DNAJC15: variants seen among roughly 807,000 people sequenced by gnomAD.
DNAJC15 encodes dnaJ homolog subfamily C member 15.
In DNAJC15, 27 loss-of-function variants were observed where a neutral mutation model predicts 22.4. The observed-to-expected ratio is 1.20, with a 90% CI of 0.89 to 1.66. The LOEUF (loss-of-function observed/expected upper bound fraction) is 1.66. DNAJC15 is among the 40% of genes most tolerant of loss of function. The pLI is 0.00. For missense variants in DNAJC15, 208 were observed against 187.1 expected (o/e 1.11, Z -0.65); for synonymous variants, 79 against 63.2 (o/e 1.25, Z -1.19).
At chr13:43,067,605 T>A (rs2040590049) in intron 2 of DNAJC15, among the ~76,000 whole-genome samples, 1 of 152,194 alleles carries the variant, frequency 6.6e-6, no homozygotes, top group African/African-American at 2.4e-5. Context: ...AAACTCGTAT[T>A]ACTGACTAGA....
chr13:43,105,131 T>G (rs569548309), intron 5 of DNAJC15, among the ~76,000 whole-genome samples: 7 of 151,286 alleles, frequency 4.6e-5, no homozygotes, highest in Non-Finnish European at 1.0e-4. Flanking sequence ...AAGGAGCAAG[T>G]TCTACACTTG....
At chr13:43,052,424 CT>C (rs1171752163) in intron 1 of DNAJC15, among the ~76,000 whole-genome samples, 2 of 147,886 alleles carry the variant, frequency 1.4e-5, no homozygotes, top group Admixed American at 6.7e-5. Flanking sequence ...TCTTAGCCCA[CT>C]TTTTTTTTTG....
At chr13:43,080,602 A>C (rs563504202) in intron 4 of DNAJC15, among the ~76,000 whole-genome samples, 3 of 152,234 alleles carry the variant, frequency 2.0e-5, no homozygotes, top group Non-Finnish European at 4.4e-5. Context: ...TCTGTCGCTT[A>C]GGCGCTGCCC....
chr13:43,063,226 T>C (rs1365930618), intron 1 of DNAJC15, among the ~76,000 whole-genome samples: 1 of 152,192 alleles, frequency 6.6e-6, no homozygotes, highest in Non-Finnish European at 1.5e-5. Context: ...GCAAGGCTGG[T>C]CTTGAAATTC....
At chr13:43,047,913 CTG>C (rs983347977) in intron 1 of DNAJC15, among the ~76,000 whole-genome samples, 9 of 152,130 alleles carry the variant, frequency 5.9e-5, no homozygotes, top group Admixed American at 3.9e-4. Flanking sequence ...GAAACCATAA[CTG>C]TGTAATGATG....
intron 1 of DNAJC15, among the ~76,000 whole-genome samples, chr13:43,024,893 T>A (rs1251245895): frequency 3.5e-5 from 3 of 85,946 alleles, no homozygotes; most frequent in Non-Finnish European, 4.7e-5. Context: ...CCATCTCTGC[T>A]AAAAAAAAAA....
chr13:43,071,216 A>C (rs989153154), intron 3 of DNAJC15, among the ~76,000 whole-genome samples: 1 of 152,164 alleles, frequency 6.6e-6, no homozygotes, highest in Non-Finnish European at 1.5e-5. Flanking sequence ...AATTCAAGAG[A>C]TTATAAGGGA....
chr13:43,090,430 G>A (rs1039792692), intron 5 of DNAJC15, among the ~76,000 whole-genome samples: 1 of 152,048 alleles, frequency 6.6e-6, no homozygotes, highest in Non-Finnish European at 1.5e-5. Context: ...ACAGCCCCAG[G>A]CTAATGGCAT....
intron 5 of DNAJC15, among the ~76,000 whole-genome samples, chr13:43,094,429 G>A (rs1056981699): frequency 3.3e-5 from 5 of 152,142 alleles, no homozygotes; most frequent in South Asian, 4.1e-4. Context: ...TGTGTGTTAC[G>A]AAGCCCTCCA....
rs1175347652 is a variant in DNAJC15 at position 43,111,683 on chromosome 13, A to G, written c.*4435A>G. Reference sequence around the variant, plus strand: ...GTTAAATATCCAAGTACACCAGCCAATTTCACACAGTGGAACCATGCTGTC... The same window carrying G: ...GTTAAATATCCAAGTACACCAGCCAGTTTCACACAGTGGAACCATGCTGTC... On this transcript the variant is annotated 3_prime_UTR_variant, in exon 6 of 6. Transcript: ENST00000379221. The G allele has an allele frequency of 2.0e-5, 3 of 152,146 alleles. No individual in the cohort carries two copies. Among genetic ancestry groups the G allele is most frequent in the South Asian group, 4.1e-4 (2 of 4,824 alleles). The allele number at this position is 152,146 out of a possible 1,614,324, so 9.4% of individuals were successfully genotyped here. A position where few individuals can be genotyped will look rare whatever the true frequency, so the allele number is the denominator to read the frequency against.
chr13:43,060,247 A>G (rs1306580566), intron 1 of DNAJC15, among the ~76,000 whole-genome samples: 1 of 152,176 alleles, frequency 6.6e-6, no homozygotes, highest in Non-Finnish European at 1.5e-5. Context: ...GGGAACCTAC[A>G]GTTGGAGAGA....
At chr13:43,101,630 A>G (rs955060129) in intron 5 of DNAJC15, among the ~76,000 whole-genome samples, 3 of 152,108 alleles carry the variant, frequency 2.0e-5, no homozygotes, top group Non-Finnish European at 4.4e-5. Context: ...TGTGTCCTCC[A>G]AAGTCCATTA....
At chr13:43,082,925 AAAT>A (rs1593325894) in intron 4 of DNAJC15, among the ~76,000 whole-genome samples, 2 of 151,510 alleles carry the variant, frequency 1.3e-5, no homozygotes, top group East Asian at 3.9e-4. Flanking sequence ...TATATATATG[AAAT>A]TTGGATTTTA....
intron 4 of DNAJC15, among the ~76,000 whole-genome samples, chr13:43,079,994 A>G (rs140866797): frequency 1.2e-4 from 19 of 152,322 alleles, no homozygotes; most frequent in African/African-American, 4.6e-4. Flanking sequence ...AATAGAGATA[A>G]TAGATTAGTT....
chr13:43,065,098 T>C (rs1444493385), intron 1 of DNAJC15, among the ~76,000 whole-genome samples: 2 of 152,234 alleles, frequency 1.3e-5, no homozygotes, highest in Non-Finnish European at 2.9e-5. Context: ...ATTGTGGGTA[T>C]ATAGCCAATT....
chr13:43,080,967 G>A (rs149451973), intron 4 of DNAJC15, among the ~76,000 whole-genome samples: 92 of 152,332 alleles, frequency 6.0e-4, no homozygotes, highest in African/African-American at 2.1e-3. Flanking sequence ...AATCTCAGCT[G>A]TGTAGACTAT....
chr13:43,082,920 A>G (rs555418124), intron 4 of DNAJC15, among the ~76,000 whole-genome samples: 2 of 151,928 alleles, frequency 1.3e-5, no homozygotes, highest in Non-Finnish European at 2.9e-5. Flanking sequence ...GTGTATATAT[A>G]TATGAAATTT....
At chr13:43,107,052 T>G in intron 5 of DNAJC15, 126 bp from the exon 6 acceptor site, 1 of 711,898 alleles carries the variant, frequency 1.4e-6, no homozygotes, top group Non-Finnish European at 2.1e-6. Context: ...AGTTAGCTTA[T>G]AAAATAATTT....
intron 1 of DNAJC15, among the ~76,000 whole-genome samples, chr13:43,035,092 G>A (rs61950392): frequency 0.074 from 11,207 of 152,188 alleles, 417 homozygotes; most frequent in Middle Eastern, 0.082. Flanking sequence ...CTTGGTACAC[G>A]TGGCTGCTGC....
Sources: gnomAD v4.1 joint callset for allele counts (sites outside exome capture counted in the v4.1 genomes callset) on GRCh38, gnomAD v4.1.1 for gene constraint, MANE v1.5 for transcripts, NCBI Gene and HGNC (gene_info 2026-07-23, HGNC 2026-07-21) for gene names.